Variants in XRCC4 observed in about 807,000 individuals in gnomAD.
XRCC4 encodes the protein X-ray repair cross complementing 4, also known as DNA repair protein XRCC4.
In XRCC4, 28 loss-of-function variants were observed where a neutral mutation model predicts 39.1. The observed-to-expected ratio is 0.72, with a 90% CI of 0.53 to 0.98. The LOEUF (loss-of-function observed/expected upper bound fraction) is 0.98. Among genes scored for constraint, XRCC4 ranks in the 50% least tolerant of loss-of-function variants. The probability of loss-of-function intolerance (pLI) is 0.00; values close to 1 mark genes in which losing one functional copy is unlikely to be tolerated. For missense variants in XRCC4, 350 were observed against 376.4 expected (o/e 0.93, Z 0.58); for synonymous variants, 123 against 126.4 (o/e 0.97, Z 0.18).
intron 6 of XRCC4, among the ~76,000 whole-genome samples, chr5:83,242,017 G>A (rs1459419481): frequency 6.6e-6 from 1 of 151,754 alleles, no homozygotes; most frequent in Non-Finnish European, 1.5e-5. Flanking sequence ...CAGGGTGGCA[G>A]AGTCGGAAGA....
At position 83,305,591 on chromosome 5, in the gene XRCC4, C is replaced by A. The variant is rs1327831017; in HGVS notation, c.893+46914C>A. Among the ~76,000 whole-genome samples, 3 of 152,000 alleles carry A rather than the reference C, an allele frequency of 2.0e-5. No homozygotes were observed. The East Asian group carries it at 5.8e-4, about 29-fold the overall frequency. ...TGGAAAATTCTGCACTACACTATGG[C>A]CCATGATATTAACTTAGACTGGATT... On this transcript the variant is annotated intron_variant, in intron 7 of 7. Coordinates refer to ENST00000396027, the MANE Select transcript of XRCC4 (RefSeq NM_003401.5).
downstream of XRCC4, among the ~76,000 whole-genome samples, chr5:83,357,450 C>T (rs73140263): frequency 0.054 from 8,069 of 150,622 alleles, 298 homozygotes; most frequent in African/African-American, 0.11. Flanking sequence ...TATGAGAAAT[C>T]GGGGGGGTTG....
At chr5:83,085,636 G>T (rs532601146) in intron 1 of XRCC4, among the ~76,000 whole-genome samples, 22 of 152,246 alleles carry the variant, frequency 1.4e-4, no homozygotes, top group African/African-American at 5.1e-4. Flanking sequence ...TTAAAAACTT[G>T]CCAAGTGTTG....
At chr5:83,158,510 T>G (rs981586132) in intron 3 of XRCC4, among the ~76,000 whole-genome samples, 5 of 152,248 alleles carry the variant, frequency 3.3e-5, no homozygotes, top group African/African-American at 1.2e-4. Context: ...TGATATACAC[T>G]AAATAAATAG....
chr5:83,122,480 C>T (rs1440018142), intron 3 of XRCC4, among the ~76,000 whole-genome samples: 2 of 152,004 alleles, frequency 1.3e-5, no homozygotes, highest in Admixed American at 1.3e-4. Context: ...TCCCTCCACC[C>T]CAAAAATTAT....
chr5:83,225,016 T>C (rs537586446), intron 6 of XRCC4, among the ~76,000 whole-genome samples: 1 of 152,306 alleles, frequency 6.6e-6, no homozygotes, highest in East Asian at 1.9e-4. Context: ...TGTTTCTTCA[T>C]TCTCCTTGAA....
intron 3 of XRCC4, among the ~76,000 whole-genome samples, chr5:83,132,010 G>C (rs935498909): frequency 1.1e-4 from 16 of 152,052 alleles, no homozygotes; most frequent in Non-Finnish European, 2.1e-4. Context: ...TTTTTGCAGT[G>C]GCTCATACTG....
At chr5:83,214,788 G>A (rs1251609944) in intron 6 of XRCC4, among the ~76,000 whole-genome samples, 1 of 148,120 alleles carries the variant, frequency 6.8e-6, no homozygotes, top group Non-Finnish European at 1.5e-5. Flanking sequence ...AATGAGCCGA[G>A]ATCGCGCCAC....
intron 7 of XRCC4, among the ~76,000 whole-genome samples, chr5:83,301,488 G>A (rs534999656): frequency 2.0e-5 from 3 of 152,134 alleles, no homozygotes; most frequent in African/African-American, 7.2e-5. Flanking sequence ...TTTGTCAGAT[G>A]GATAGACTGC....
Position 83,276,429 on chromosome 5 carries a change from G to GGGATTAATCCATTCATTTATGAAT in XRCC4, c.893+17761_893+17784dup, listed in dbSNP as rs1661415272. 9.7e-5 allele frequency among the ~76,000 whole-genome samples: 12 copies of GGGATTAATCCATTCATTTATGAAT among 123,712 alleles called. 1 individual carries two copies. In the South Asian group the frequency reaches 3.1e-3, roughly 32 times the overall value. The allele number at this position is 123,712 out of a possible 152,430, so 81.2% of individuals were successfully genotyped here. A position where few individuals can be genotyped will look rare whatever the true frequency, so the allele number is the denominator to read the frequency against. ...GTTATGAGGGCTTTACCCTAATGAA[G>GGGATTAATCCATTCATTTATGAAT]GGATTAATCCATTCATTTATGAATG... On this transcript the variant is annotated intron_variant, in intron 7 of 7. Transcript: ENST00000396027.
chr5:83,262,794 A>T (rs1753804049), intron 7 of XRCC4, among the ~76,000 whole-genome samples: 1 of 149,168 alleles, frequency 6.7e-6, no homozygotes, highest in Non-Finnish European at 1.5e-5. Flanking sequence ...CCTTAGAGTG[A>T]GTTTTTTATT....
At chr5:83,139,070 T>C (rs899245326) in intron 3 of XRCC4, among the ~76,000 whole-genome samples, 1 of 152,184 alleles carries the variant, frequency 6.6e-6, no homozygotes, top group Non-Finnish European at 1.5e-5. Flanking sequence ...CTACAGATTT[T>C]ATTTCAGTTT....
chr5:83,090,607 G>A (rs150859743), intron 1 of XRCC4, among the ~76,000 whole-genome samples: 66 of 152,236 alleles, frequency 4.3e-4, no homozygotes, highest in Admixed American at 1.1e-3. Flanking sequence ...GGAATGGAGG[G>A]TAGGGAGGAG....
chr5:83,323,571 A>G (rs532620286), intron 7 of XRCC4, among the ~76,000 whole-genome samples: 2 of 151,870 alleles, frequency 1.3e-5, no homozygotes, highest in African/African-American at 4.8e-5. Context: ...TTTAATAAAA[A>G]TATTTCTCTT....
chr5:83,320,771 T>G (rs1170279538), intron 7 of XRCC4, among the ~76,000 whole-genome samples: 1 of 152,040 alleles, frequency 6.6e-6, no homozygotes, highest in African/African-American at 2.4e-5. Flanking sequence ...TTAGCATTTT[T>G]TAGCAATAAA....
rs182390006 is a variant in XRCC4 at position 83,154,258 on chromosome 5, A to T, written c.316-41512A>T. ...ATTATTTTGTCTCAGGCATCCAAAG[A>T]CTCATCATGAATTAACTTAGGGAAA... On this transcript the variant is annotated intron_variant, in intron 3 of 7. Coordinates refer to ENST00000396027, the MANE Select transcript of XRCC4 (RefSeq NM_003401.5). Among the ~76,000 whole-genome samples, 3 of 152,176 alleles carry T rather than the reference A, an allele frequency of 2.0e-5. No individual in the cohort carries two copies. The East Asian group carries it at 5.8e-4, about 29-fold the overall frequency.
chr5:83,265,617 A>T (rs1020381786), intron 7 of XRCC4, among the ~76,000 whole-genome samples: 2 of 152,190 alleles, frequency 1.3e-5, no homozygotes, highest in African/African-American at 2.4e-5. Flanking sequence ...TTTGCCAATA[A>T]AATCAACAGT....
chr5:83,280,992 A>G (rs1754517084), intron 7 of XRCC4, among the ~76,000 whole-genome samples: 5 of 152,164 alleles, frequency 3.3e-5, no homozygotes, highest in Admixed American at 2.6e-4. Context: ...ATAGGAAAAA[A>G]TCCTGGTATT....
intron 3 of XRCC4, among the ~76,000 whole-genome samples, chr5:83,125,147 T>C (rs1370649687): frequency 1.3e-5 from 2 of 152,234 alleles, no homozygotes; most frequent in Admixed American, 6.5e-5. Flanking sequence ...TGTTGGTTTG[T>C]TCAAATCTTT....
Sources: allele counts gnomAD v4.1 joint callset (sites outside exome capture counted in the v4.1 genomes callset), GRCh38; gene constraint gnomAD v4.1.1; transcripts MANE v1.5; gene names NCBI Gene and HGNC (gene_info 2026-07-23, HGNC 2026-07-21).